The following EYA3 variants were observed in gnomAD, a reference collection of about 807,000 sequenced individuals.
EYA3 encodes protein phosphatase EYA3.
EYA3 carries 39 observed loss-of-function variants against 80.0 expected under a neutral mutation model. The observed-to-expected ratio is 0.49, with a 90% CI of 0.38 to 0.64. The LOEUF is 0.64. EYA3 is among the 30% of genes least tolerant of loss of function. The pLI is 0.00. For synonymous variants in EYA3, 206 were observed against 232.8 expected (o/e 0.88, Z 1.05); for missense variants, 523 against 676.1 (o/e 0.77, Z 2.51).
intron 1 of EYA3, among the ~76,000 whole-genome samples, chr1:28,069,167 G>A (rs1023825314): frequency 6.6e-6 from 1 of 151,724 alleles, no homozygotes; most frequent in Admixed American, 6.6e-5. Context: ...AAACAGAGCA[G>A]TGACACAATC....
chr1:28,030,354 G>A (rs879382526), intron 6 of EYA3, among the ~76,000 whole-genome samples: 9 of 152,140 alleles, frequency 5.9e-5, no homozygotes, highest in Admixed American at 2.0e-4. Flanking sequence ...GGGCAGTGGT[G>A]CAATCATAGC....
chr1:28,005,871 A>G (rs915537318), intron 10 of EYA3, among the ~76,000 whole-genome samples: 3 of 151,786 alleles, frequency 2.0e-5, no homozygotes, highest in Non-Finnish European at 4.4e-5. Flanking sequence ...TTGTGAGGCC[A>G]AGGCAGGAGG....
chr1:28,060,282 G>A (rs1282950679), intron 1 of EYA3, among the ~76,000 whole-genome samples: 2 of 152,052 alleles, frequency 1.3e-5, no homozygotes, highest in South Asian at 2.1e-4. Context: ...AAACTAATTC[G>A]TTTTAAAAAT....
chr1:28,051,093 T>G (rs1571900049), intron 2 of EYA3, among the ~76,000 whole-genome samples: 1 of 152,138 alleles, frequency 6.6e-6, no homozygotes, highest in Non-Finnish European at 1.5e-5. Flanking sequence ...ATTGGGGCCA[T>G]ACCAGGACAG....
rs1010963003 is a variant in EYA3 at position 27,984,716 on chromosome 1, G to A, written c.1540+3819C>T. ...CACCGTTATTATTTTTCCTCATCTAGTGGATCGTTTCCATCTGCATATAAA... is the reference window on the plus strand; with the variant it reads ...CACCGTTATTATTTTTCCTCATCTAATGGATCGTTTCCATCTGCATATAAA... On this transcript the variant is annotated intron_variant, in intron 16 of 17. Coordinates refer to ENST00000373871, the MANE Select transcript of EYA3 (RefSeq NM_001990.4). Among the ~76,000 whole-genome samples, 46 of 152,090 alleles carry A rather than the reference G, an allele frequency of 3.0e-4. 1 individual carries two copies. The highest frequency in any genetic ancestry group is 1.2e-4 in the Non-Finnish European group (8 of 68,038).
At chr1:28,063,097 A>C (rs1412099342) in intron 1 of EYA3, among the ~76,000 whole-genome samples, 1 of 151,760 alleles carries the variant, frequency 6.6e-6, no homozygotes, top group Non-Finnish European at 1.5e-5. Context: ...ACTTCAAAAG[A>C]AGTGTCTAAG....
chr1:28,032,972 A>G (rs922872024), intron 6 of EYA3, among the ~76,000 whole-genome samples: 2 of 152,196 alleles, frequency 1.3e-5, no homozygotes, highest in Admixed American at 6.5e-5. Flanking sequence ...CTCCCCTATA[A>G]AAAGGGATAA....
In EYA3 at chr1:28,004,384, G is replaced by T; in HGVS notation, c.945C>A (p.Ile315=). The change falls in exon 11 of 18, where the codon ATC becomes ATA. Residue 315 remains isoleucine (I), a synonymous_variant. Transcript: ENST00000373871. The part of the protein sequence containing the change: ...VFLWDLDETI[I]IFHSLLTGSY... ...ATCCAGTAAGAAGTGAGTGGAAGAT[G>T]ATGATGGTTTCATCCAAGTCCCACA... The T allele has an allele frequency of 6.2e-7, 1 of 1,608,476 alleles. No individual in the cohort carries two copies. The highest frequency in any genetic ancestry group is 8.5e-7 in the Non-Finnish European group (1 of 1,175,842).
chr1:28,004,825 A>G (rs1641154244), intron 10 of EYA3, among the ~76,000 whole-genome samples: 1 of 152,092 alleles, frequency 6.6e-6, no homozygotes, highest in Admixed American at 6.6e-5. Flanking sequence ...TAGGAAGGAA[A>G]TAACAATGGC....
At chr1:28,084,556 A>ATAT (rs1645543986) in intron 1 of EYA3, among the ~76,000 whole-genome samples, 5 of 32,730 alleles carry the variant, frequency 1.5e-4, no homozygotes, top group Non-Finnish European at 2.2e-4. Context: ...ACTATTCCAA[A>ATAT]ATATATATAT....
chr1:28,058,410 T>C (rs1467064616), intron 1 of EYA3, among the ~76,000 whole-genome samples: 4 of 152,152 alleles, frequency 2.6e-5, no homozygotes, highest in Non-Finnish European at 4.4e-5. Context: ...TTTTAAGGAT[T>C]AGAGTTACAC....
Position 28,013,203 on chromosome 1 carries a change from T to C in EYA3, c.677A>G (p.Asp226Gly). 2 of 1,614,096 alleles carry C rather than the reference T, an allele frequency of 1.2e-6. No individual in the cohort carries two copies. Among genetic ancestry groups the C allele is most frequent in the Non-Finnish European group, 1.7e-6 (2 of 1,179,966 alleles). ...SFGVTGQTNS[D>G]AESTTLAATT... ...TGCTGCTAATGTGGTGCTCTCTGCA[T>C]CACTGTTAGTCTGACCTGTGACTCC... The change falls in exon 9 of 18, where the codon GAT becomes GGT. Residue 226 changes from aspartate (D) to glycine (G), a missense_variant. Asp to Gly is a moderately conservative substitution (Grantham distance 94). Transcript: ENST00000373871. This position sits in a 1 kb window ranked among gnomAD's most constrained non-coding sequence, Gnocchi z 4.0.
intron 1 of EYA3, among the ~76,000 whole-genome samples, chr1:28,082,431 G>C (rs1645462083): frequency 1.3e-5 from 2 of 152,018 alleles, no homozygotes; most frequent in African/African-American, 4.8e-5. Flanking sequence ...TATTCTAAAT[G>C]ACTATTATTT....
intron 12 of EYA3, among the ~76,000 whole-genome samples, chr1:27,997,800 A>G (rs945969503): frequency 2.0e-5 from 3 of 152,194 alleles, no homozygotes; most frequent in South Asian, 2.1e-4. Flanking sequence ...GTTGTGCCCA[A>G]TAAATTTTTA....
At chr1:27,980,990 CTA>C (rs1482890706) in intron 16 of EYA3, among the ~76,000 whole-genome samples, 2 of 152,148 alleles carry the variant, frequency 1.3e-5, no homozygotes, top group African/African-American at 2.4e-5. Flanking sequence ...TTGCAATGGG[CTA>C]TAATCGTGCC....
At chr1:28,061,089 T>C (rs1557630917) in intron 1 of EYA3, among the ~76,000 whole-genome samples, 1 of 152,156 alleles carries the variant, frequency 6.6e-6, no homozygotes, top group Non-Finnish European at 1.5e-5. Flanking sequence ...ACGAATAATT[T>C]TGATCATTTT....
rs372363987 is a variant in EYA3, at chr1:27,977,007, C to T, written c.1641+1367G>A. ...TGCTAGGATTATAGGCATGAGCCAC[C>T]GTGCCCAGCCTCAATGGATGTATTC... On this transcript the variant is annotated intron_variant, in intron 17 of 17. Coordinates refer to ENST00000373871, the MANE Select transcript of EYA3 (RefSeq NM_001990.4). 197 of 985,178 alleles carry T rather than the reference C, an allele frequency of 2.0e-4. 2 individuals are homozygous for T. In the South Asian group the frequency reaches 7.8e-3, roughly 39 times the overall value. The allele number at this position is 985,178 out of a possible 1,614,324, so 61.0% of individuals were successfully genotyped here. A position where few individuals can be genotyped will look rare whatever the true frequency, so the allele number is the denominator to read the frequency against.
chr1:28,048,161 G>A (rs2148876954), intron 3 of EYA3, among the ~76,000 whole-genome samples: 1 of 152,180 alleles, frequency 6.6e-6, no homozygotes, highest in South Asian at 2.1e-4. Flanking sequence ...GGTACATATT[G>A]TTGAATAAAT....
At chr1:28,078,673 T>C (rs919761442) in intron 1 of EYA3, among the ~76,000 whole-genome samples, 35 of 152,156 alleles carry the variant, frequency 2.3e-4, no homozygotes, top group African/African-American at 8.2e-4. Flanking sequence ...GCCTCCTGAG[T>C]AGCTGGGATT....
Sources: allele counts gnomAD v4.1 joint callset (sites outside exome capture counted in the v4.1 genomes callset), GRCh38; gene constraint gnomAD v4.1.1; non-coding constraint Gnocchi (gnomAD v3.1); transcripts MANE v1.5; gene names NCBI Gene and HGNC (gene_info 2026-07-23, HGNC 2026-07-21).